The following KAZN variants were observed in gnomAD, a reference collection of about 807,000 sequenced individuals.
KAZN encodes kazrin.
KAZN carries 40 observed loss-of-function variants against 87.4 expected under a neutral mutation model. The observed-to-expected ratio is 0.46, with a 90% confidence interval of 0.36 to 0.60. KAZN has a LOEUF of 0.60. KAZN is among the 20% of genes least tolerant of loss of function. The probability of loss-of-function intolerance (pLI) is 0.00; values close to 1 mark genes in which losing one functional copy is unlikely to be tolerated. For missense variants in KAZN, 898 were observed against 1,073.9 expected, an observed-to-expected ratio of 0.84 and a Z score of 2.29; for synonymous variants, 466 against 458.3, an observed-to-expected ratio of 1.02 and a Z score of -0.22.
At chr1:14,071,129 T>C (rs1025695551) in intron 1 of KAZN, among the ~76,000 whole-genome samples, 2 of 151,824 alleles carry the variant, frequency 1.3e-5, no homozygotes, top group Non-Finnish European at 2.9e-5. Flanking sequence ...TACAATCATA[T>C]AGTAAAGGAA....
chr1:14,662,944 A>AATATATAT lies in KAZN; in HGVS notation c.226+63728_226+63735dup, dbSNP rs3085966. Among the ~76,000 whole-genome samples the AATATATAT allele has an allele frequency of 5.8e-3, 833 of 142,844 alleles. 11 individuals carry two copies. Among genetic ancestry groups the AATATATAT allele is most frequent in the African/African-American group, 0.018 (712 of 38,572 alleles). The allele number at this position is 142,844 out of a possible 152,430, so 93.7% of individuals were successfully genotyped here. ...TATATATGTATATATTATATATGTA[A>AATATATAT]ATATATATATATATGCACACATATA... On this transcript the variant is annotated intron_variant, in intron 1 of 14. Transcript: ENST00000376030.
chr1:14,850,073 C>G (rs1649264331), intron 1 of KAZN, among the ~76,000 whole-genome samples: 1 of 151,720 alleles, frequency 6.6e-6, no homozygotes, highest in African/African-American at 2.4e-5. Flanking sequence ...GTAGCTGGGA[C>G]TACAGGTGTA....
At position 13,958,545 on chromosome 1, in the gene KAZN, G is replaced by A. The variant is rs1570388156; in HGVS notation, c.91+64789G>A. On this transcript the variant is annotated intron_variant, in intron 1 of 16. Coordinates refer to the KAZN transcript ENST00000636203. ...GCCGAGATTGCGCCACTGCACTCCA[G>A]CCTGGGCGACAGAGCCAGACTCCAT... Among the ~76,000 whole-genome samples, 5 of 146,802 alleles carry A rather than the reference G, an allele frequency of 3.4e-5. No individual in the cohort carries two copies. In the East Asian group the frequency reaches 1.0e-3, roughly 30 times the overall value.
chr1:14,525,681 G>GAA (rs70997157), intron 2 of KAZN, among the ~76,000 whole-genome samples: 55 of 151,838 alleles, frequency 3.6e-4, no homozygotes, highest in African/African-American at 1.2e-3. Context: ...TTTCCCATAG[G>GAA]AAAAAAAATG....
chr1:14,475,509 A>G (rs1430156074), intron 2 of KAZN, among the ~76,000 whole-genome samples: 1 of 152,234 alleles, frequency 6.6e-6, no homozygotes, highest in East Asian at 1.9e-4. Flanking sequence ...CAGTCTCTCC[A>G]TCAGCTAGTT....
At chr1:14,298,518 T>C (rs1221762474) in intron 2 of KAZN, among the ~76,000 whole-genome samples, 1 of 152,244 alleles carries the variant, frequency 6.6e-6, no homozygotes, top group Non-Finnish European at 1.5e-5. Context: ...CCTCCCCCCA[T>C]GCAAGTGTAC....
intron 1 of KAZN, among the ~76,000 whole-genome samples, chr1:14,682,991 G>C (rs1253793346): frequency 6.6e-6 from 1 of 152,180 alleles, no homozygotes; most frequent in Non-Finnish European, 1.5e-5. Flanking sequence ...CTGAAAAGTA[G>C]ATCTCTTTGT....
intron 1 of KAZN, among the ~76,000 whole-genome samples, chr1:14,832,142 G>A (rs1413828831): frequency 1.3e-5 from 2 of 151,532 alleles, no homozygotes; most frequent in African/African-American, 4.9e-5. Context: ...GTTGCAGTGA[G>A]CAGAGATCGC....
chr1:15,012,117 T>C (rs1174940025), intron 2 of KAZN, among the ~76,000 whole-genome samples: 1 of 152,146 alleles, frequency 6.6e-6, no homozygotes, highest in Non-Finnish European at 1.5e-5. Flanking sequence ...CTACCATTCC[T>C]CGTTTTACAA....
intron 1 of KAZN, among the ~76,000 whole-genome samples, chr1:14,697,724 A>G (rs976245409): frequency 6.6e-6 from 1 of 152,330 alleles, no homozygotes; most frequent in African/African-American, 2.4e-5. Context: ...CTTTTTTGAT[A>G]AAGGGAAGAC....
chr1:14,157,327 G>A (rs976036100), intron 1 of KAZN, among the ~76,000 whole-genome samples: 1 of 152,130 alleles, frequency 6.6e-6, no homozygotes, highest in South Asian at 2.1e-4. Flanking sequence ...GGTACTTACT[G>A]TTAGCAGTGA....
At chr1:14,659,246 A>T (rs1341395189) in intron 1 of KAZN, among the ~76,000 whole-genome samples, 1 of 151,910 alleles carries the variant, frequency 6.6e-6, no homozygotes, top group Non-Finnish European at 1.5e-5. Flanking sequence ...AATAAAATAA[A>T]AATAATAAAT....
intron 1 of KAZN, among the ~76,000 whole-genome samples, chr1:14,047,112 T>C (rs1642110213): frequency 6.6e-6 from 1 of 152,154 alleles, no homozygotes; most frequent in African/African-American, 2.4e-5. Context: ...ATCCATCCAT[T>C]TGGGCATCGA....
chr1:14,178,341 T>C (rs1646128333), intron 1 of KAZN, among the ~76,000 whole-genome samples: 1 of 152,240 alleles, frequency 6.6e-6, no homozygotes, highest in Non-Finnish European at 1.5e-5. Flanking sequence ...TCCCCACCTC[T>C]GCCAACGAGA....
intron 2 of KAZN, among the ~76,000 whole-genome samples, chr1:14,370,357 G>A (rs1660377725): frequency 1.3e-5 from 2 of 152,188 alleles, no homozygotes; most frequent in Non-Finnish European, 2.9e-5. Flanking sequence ...GTTGTTCAGT[G>A]AGTGTGGCCA....
intron 1 of KAZN, among the ~76,000 whole-genome samples, chr1:13,960,212 C>G (rs182038239): frequency 6.6e-6 from 1 of 152,272 alleles, no homozygotes; most frequent in Non-Finnish European, 1.5e-5. Context: ...TTTAAAAGTT[C>G]TGTGTGCATT....
At chr1:15,050,209 AG>A (rs1489592810) in intron 4 of KAZN, among the ~76,000 whole-genome samples, 32 of 151,362 alleles carry the variant, frequency 2.1e-4, no homozygotes, top group Non-Finnish European at 4.1e-4. Flanking sequence ...AGAATAGAAT[AG>A]AATAGAATAG....
intron 1 of KAZN, among the ~76,000 whole-genome samples, chr1:13,911,337 C>T (rs35601927): frequency 0.075 from 11,482 of 152,282 alleles, 617 homozygotes; most frequent in Non-Finnish European, 0.11. Context: ...TCATGAGTCA[C>T]TGTGCCTGGC....
At chr1:14,478,174 A>G (rs767145474) in intron 2 of KAZN, among the ~76,000 whole-genome samples, 1 of 151,314 alleles carries the variant, frequency 6.6e-6, no homozygotes, top group Non-Finnish European at 1.5e-5. Flanking sequence ...TAGGACTGAG[A>G]TGGGTGGAGA....
Sources: allele counts gnomAD v4.1 joint callset (sites outside exome capture counted in the v4.1 genomes callset), GRCh38; gene constraint gnomAD v4.1.1; transcripts MANE v1.5; gene names NCBI Gene and HGNC (gene_info 2026-07-23, HGNC 2026-07-21).